Variants in AP4E1 observed in about 807,000 individuals in gnomAD.
AP4E1 encodes AP-4 complex subunit epsilon-1.
A neutral mutation model predicts 128.2 loss-of-function variants in AP4E1; 56 were observed. The ratio of observed to expected loss-of-function variants is 0.44; its 90% CI spans 0.35 to 0.55. The LOEUF is 0.55. AP4E1 is among the 20% of genes least tolerant of loss of function. AP4E1 has a pLI of 0.00. For synonymous variants in AP4E1, 484 were observed against 473.1 expected, an observed-to-expected ratio of 1.02 and a Z score of -0.30; for missense variants, 1,324 against 1,307.7, an observed-to-expected ratio of 1.01 and a Z score of -0.19.
chr15:50,911,647 T>A (rs1308658562), intron 1 of AP4E1, among the ~76,000 whole-genome samples: 1 of 125,664 alleles, frequency 8.0e-6, no homozygotes, highest in African/African-American at 3.1e-5. Context: ...CCAGCTAATG[T>A]TTGTATTTTT....
intron 13 of AP4E1, among the ~76,000 whole-genome samples, chr15:50,957,677 T>TTC (rs1344969847): frequency 2.3e-4 from 32 of 141,272 alleles, no homozygotes; most frequent in African/African-American, 7.8e-4. Context: ...GTTTCTTTTT[T>TTC]TTTTTTTTTT....
intron 11 of AP4E1, 130 bp downstream of exon 11, chr15:50,948,289 A>G: frequency 8.5e-7 from 1 of 1,180,764 alleles, no homozygotes; most frequent in Non-Finnish European, 1.2e-6. Flanking sequence ...CCTGATTTTC[A>G]AGCCTCTCTT....
At position 50,992,733 on chromosome 15, in the gene AP4E1, A is replaced by G; in HGVS notation, c.2091-637A>G. Among the ~76,000 whole-genome samples the G allele has an allele frequency of 1.3e-5, 2 of 152,132 alleles. 1 individual carries two copies. The highest frequency in any genetic ancestry group is 2.9e-5 in the Non-Finnish European group (2 of 68,012). ...TTTTTTCTTTTTTAGATAAAACTTCATTGCATTTTGATAAAAGTACACTTA... is the reference window on the plus strand; with the variant it reads ...TTTTTTCTTTTTTAGATAAAACTTCGTTGCATTTTGATAAAAGTACACTTA... On this transcript the variant is annotated intron_variant, in intron 16 of 20. Transcript: ENST00000261842.
At chr15:50,923,480 T>C (rs2063731691) in intron 3 of AP4E1, among the ~76,000 whole-genome samples, 1 of 152,150 alleles carries the variant, frequency 6.6e-6, no homozygotes, top group Non-Finnish European at 1.5e-5. Context: ...TGACATTAGG[T>C]GGCTAGCTCA....
chr15:50,940,941 A>G (rs2063977395), intron 8 of AP4E1, among the ~76,000 whole-genome samples: 1 of 152,188 alleles, frequency 6.6e-6, no homozygotes, highest in African/African-American at 2.4e-5. Flanking sequence ...ATCCTATAAA[A>G]TGATTATGTT....
chr15:50,959,859 A>C (rs550945114), intron 14 of AP4E1, among the ~76,000 whole-genome samples: 1 of 152,320 alleles, frequency 6.6e-6, no homozygotes, highest in East Asian at 1.9e-4. Flanking sequence ...ACAAAATAAG[A>C]TCCAGCTATA....
chr15:50,997,498 A>T lies in AP4E1; in HGVS notation c.2519A>T (p.Asp840Val). The change falls in exon 18 of 21, where the codon GAC becomes GTC. Residue 840 changes from aspartate to valine, a missense_variant. Asp to Val is a radical substitution (Grantham distance 152). Transcript: ENST00000261842. ...YYSNTLHDTG[D>V]KELKKFSLTS... ...TCGAATACTTTGCACGATACAGGAG[A>T]CAAGGAATTAAAGAAATTTTCTCTC... 6.2e-7 allele frequency: 1 copy of T among 1,614,074 alleles called. No individual in the cohort carries two copies. Among genetic ancestry groups the T allele is most frequent in the Non-Finnish European group, 8.5e-7 (1 of 1,179,988 alleles).
intron 3 of AP4E1, among the ~76,000 whole-genome samples, chr15:50,918,473 A>G (rs1011514046): frequency 6.6e-6 from 1 of 152,164 alleles, no homozygotes; most frequent in African/African-American, 2.4e-5. Flanking sequence ...TAGATAGTTG[A>G]TGGTAGAATT....
At chr15:50,935,230 G>A (rs926077430) in intron 8 of AP4E1, among the ~76,000 whole-genome samples, 2 of 152,024 alleles carry the variant, frequency 1.3e-5, no homozygotes, top group African/African-American at 4.8e-5. Context: ...GGAGAATATA[G>A]CAGCTAGTCT....
intron 7 of AP4E1, among the ~76,000 whole-genome samples, chr15:50,934,333 A>G (rs1328334246): frequency 6.6e-6 from 1 of 152,110 alleles, no homozygotes. Flanking sequence ...ATTATAAAAT[A>G]TAGTATGTTC....
At chr15:50,993,159 T>C (rs1382878837) in intron 16 of AP4E1, among the ~76,000 whole-genome samples, 1 of 152,186 alleles carries the variant, frequency 6.6e-6, no homozygotes, top group Non-Finnish European at 1.5e-5. Context: ...TCTGCAGCCT[T>C]AAATCAAATC....
intron 18 of AP4E1, among the ~76,000 whole-genome samples, 177 bp downstream of exon 18, chr15:50,998,060 T>C (rs1399090494): frequency 6.6e-6 from 1 of 152,250 alleles, no homozygotes; most frequent in Non-Finnish European, 1.5e-5. Context: ...TGTATACTGC[T>C]TACTTCTTTC....
intron 15 of AP4E1, among the ~76,000 whole-genome samples, chr15:50,971,604 C>A (rs371696622): frequency 6.6e-6 from 1 of 152,036 alleles, no homozygotes. Context: ...AATGGTGTCC[C>A]ACAAATCCTG....
intron 14 of AP4E1, among the ~76,000 whole-genome samples, chr15:50,967,526 A>G (rs2064409788): frequency 6.6e-6 from 1 of 152,218 alleles, no homozygotes; most frequent in Admixed American, 6.5e-5. Flanking sequence ...GCCCTGCCAA[A>G]GCCTTGATTT....
At chr15:50,941,862 G>T (rs775408266) in intron 10 of AP4E1, 87 bp downstream of exon 10, 10 of 942,858 alleles carry the variant, frequency 1.1e-5, no homozygotes, top group Non-Finnish European at 1.7e-5. Flanking sequence ...AAAGTGGTGG[G>T]CAGTGTGTAT....
chr15:51,001,210 CTG>C (rs779225879), intron 20 of AP4E1, 27 bp downstream of exon 20: 1 of 1,601,934 alleles, frequency 6.2e-7, no homozygotes, highest in Admixed American at 1.7e-5. Flanking sequence ...AAAGGCTATT[CTG>C]TGTTTATAGG....
In AP4E1 at chr15:50,997,735, T is replaced by C. The variant is rs748899970; in HGVS notation, c.2756T>C (p.Met919Thr). 1 of 1,613,856 alleles carries C rather than the reference T, an allele frequency of 6.2e-7. No homozygotes were observed. Among genetic ancestry groups the C allele is most frequent in the South Asian group, 1.1e-5 (1 of 91,042 alleles). Reference sequence around the variant, plus strand: ...ACTGAATACATACACTCAAATGCTATGGAAGTCTGTAATAATGAAACTATA... The same window carrying C: ...ACTGAATACATACACTCAAATGCTACGGAAGTCTGTAATAATGAAACTATA... ...ETTEYIHSNA[M>T]EVCNNETISV... Residue 919 changes from methionine (M) to threonine (T), a missense_variant, in exon 18 of 21, where the codon ATG becomes ACG. Coordinates refer to ENST00000261842, the MANE Select transcript of AP4E1 (RefSeq NM_007347.5).
chr15:50,993,633 A>G lies in AP4E1; in HGVS notation c.2346+8A>G, dbSNP rs368382609. 1.2e-6 allele frequency: 2 copies of G among 1,613,830 alleles called. No individual in the cohort carries two copies. The highest frequency in any genetic ancestry group is 2.7e-5 in the African/African-American group (2 of 75,048). On this transcript the variant is annotated splice_region_variant and intron_variant, in intron 17 of 20. Coordinates refer to ENST00000261842, the MANE Select transcript of AP4E1 (RefSeq NM_007347.5). The stretch of plus-strand genomic sequence containing the variant: ...GAAAGTACAATCAACCTGGTAAGTA[A>G]TCGGTTCTATTCCTGTAAGAATCTT...
At chr15:50,931,271 TAATA>T (rs1283573072) in intron 7 of AP4E1, among the ~76,000 whole-genome samples, 2 of 151,770 alleles carry the variant, frequency 1.3e-5, no homozygotes, top group Non-Finnish European at 2.9e-5. Context: ...AAGGGCCAGA[TAATA>T]AATATTTTAG....
Sources: gnomAD v4.1 joint callset for allele counts (sites outside exome capture counted in the v4.1 genomes callset) on GRCh38, gnomAD v4.1.1 for gene constraint, MANE v1.5 for transcripts, NCBI Gene and HGNC (gene_info 2026-07-23, HGNC 2026-07-21) for gene names.